The following MACROD2 variants were observed in gnomAD, a reference collection of about 807,000 sequenced individuals.
The protein encoded by MACROD2 is ADP-ribose glycohydrolase MACROD2.
In MACROD2, 36 loss-of-function variants were observed where a neutral mutation model predicts 70.4. The ratio of observed to expected loss-of-function variants is 0.51; its 90% confidence interval spans 0.39 to 0.68. The LOEUF is 0.68. MACROD2 is among the 30% of genes least tolerant of loss of function. The pLI is 0.00. For missense variants in MACROD2, 496 were observed against 538.4 expected (o/e 0.92, Z 0.78); for synonymous variants, 172 against 178.8 (o/e 0.96, Z 0.30).
At position 15,805,479 on chromosome 20, in the gene MACROD2, CTT is replaced by C. The variant is rs11336153; in HGVS notation, c.646-57253_646-57252del. Among the ~76,000 whole-genome samples, 355 of 142,140 alleles carry C rather than the reference CTT, an allele frequency of 2.5e-3. 5 individuals carry two copies. The highest frequency in any genetic ancestry group is 8.0e-3 in the African/African-American group (315 of 39,176). The allele number at this position is 142,140 out of a possible 152,430, so 93.2% of individuals were successfully genotyped here. ...GTTAAAATGAAAATAAGGAATATTT[CTT>C]TTTTTTTTTTTTGAGATGGAGTTTC... On this transcript the variant is annotated intron_variant, in intron 8 of 17. Coordinates refer to ENST00000684519, the MANE Select transcript of MACROD2 (RefSeq NM_001351661.2).
At chr20:15,828,290 G>A (rs752658534) in intron 8 of MACROD2, among the ~76,000 whole-genome samples, 1 of 152,036 alleles carries the variant, frequency 6.6e-6, no homozygotes, top group Non-Finnish European at 1.5e-5. Context: ...ACTTAGTTTG[G>A]GGACAAGTAG....
intron 5 of MACROD2, among the ~76,000 whole-genome samples, chr20:15,203,773 C>G (rs1221356494): frequency 6.6e-6 from 1 of 151,982 alleles, no homozygotes; most frequent in African/African-American, 2.4e-5. Flanking sequence ...TTTTTCATAA[C>G]ACAAAAATCT....
Position 14,864,193 on chromosome 20 carries a change from A to G in MACROD2, c.418+179234A>G, listed in dbSNP as rs560152682. 1.5e-3 allele frequency among the ~76,000 whole-genome samples: 223 copies of G among 152,278 alleles called. 1 individual carries two copies. Among genetic ancestry groups the G allele is most frequent in the Non-Finnish European group, 1.8e-3 (123 of 68,016 alleles). On this transcript the variant is annotated intron_variant, in intron 5 of 17. Coordinates refer to ENST00000684519, the MANE Select transcript of MACROD2 (RefSeq NM_001351661.2). ...ATGTCCTTTTCTTGCTGCCTAAGACATGATTATTGGTATGAAAATGCTATG... is the reference window on the plus strand; with the variant it reads ...ATGTCCTTTTCTTGCTGCCTAAGACGTGATTATTGGTATGAAAATGCTATG...
chr20:14,956,604 G>C (rs549275809), intron 5 of MACROD2, among the ~76,000 whole-genome samples: 1 of 152,170 alleles, frequency 6.6e-6, no homozygotes, highest in South Asian at 2.1e-4. Context: ...AAGTTAATTG[G>C]GGGTGATACT....
chr20:14,681,921 C>T (rs1316315588), intron 4 of MACROD2, among the ~76,000 whole-genome samples: 1 of 152,118 alleles, frequency 6.6e-6, no homozygotes, highest in Non-Finnish European at 1.5e-5. Context: ...AAGCAAGTTA[C>T]TAACCTAAGA....
At chr20:15,723,607 C>T (rs548866304) in intron 8 of MACROD2, among the ~76,000 whole-genome samples, 8 of 152,266 alleles carry the variant, frequency 5.3e-5, no homozygotes, top group Middle Eastern at 3.4e-3. Context: ...TGTGTCTTCT[C>T]GTGGCTTGGT....
intron 5 of MACROD2, among the ~76,000 whole-genome samples, chr20:15,037,343 C>T (rs1313905373): frequency 6.6e-6 from 1 of 152,162 alleles, no homozygotes; most frequent in Admixed American, 6.5e-5. Context: ...AAAAGCCATA[C>T]TTTTTTAAAT....
intron 3 of MACROD2, among the ~76,000 whole-genome samples, chr20:14,362,057 C>T (rs2083227070): frequency 6.6e-6 from 1 of 152,148 alleles, no homozygotes; most frequent in Admixed American, 6.5e-5. Flanking sequence ...GCCCAGTAGG[C>T]CAAGTGTCAG....
At chr20:15,768,767 C>A (rs1568549999) in intron 8 of MACROD2, among the ~76,000 whole-genome samples, 1 of 152,106 alleles carries the variant, frequency 6.6e-6, no homozygotes. Flanking sequence ...TTCTTTATAT[C>A]TTTATTCCGT....
chr20:15,464,056 G>GT (rs971935415), intron 7 of MACROD2, among the ~76,000 whole-genome samples: 2 of 152,102 alleles, frequency 1.3e-5, no homozygotes, highest in African/African-American at 2.4e-5. Context: ...TTGTTTGTTT[G>GT]TTTTTTTCCA....
intron 5 of MACROD2, among the ~76,000 whole-genome samples, chr20:15,092,810 A>G (rs1268813186): frequency 1.3e-5 from 2 of 152,208 alleles, no homozygotes; most frequent in Non-Finnish European, 2.9e-5. Context: ...TTTGATTTAA[A>G]AAATCAGCAC....
chr20:15,385,052 C>T (rs1379173024), intron 6 of MACROD2, among the ~76,000 whole-genome samples: 1 of 152,098 alleles, frequency 6.6e-6, no homozygotes, highest in African/African-American at 2.4e-5. Context: ...AGAGACTGTC[C>T]TGAAGGTTCT....
At chr20:14,271,432 T>C (rs2082195016) in intron 3 of MACROD2, among the ~76,000 whole-genome samples, 1 of 152,072 alleles carries the variant, frequency 6.6e-6, no homozygotes, top group African/African-American at 2.4e-5. Context: ...CAGCTGAGGG[T>C]CCTGTCTGTT....
intron 5 of MACROD2, among the ~76,000 whole-genome samples, chr20:15,045,251 T>G (rs1452587257): frequency 6.6e-6 from 1 of 152,208 alleles, no homozygotes; most frequent in African/African-American, 2.4e-5. Flanking sequence ...TTCACGCAGC[T>G]AAATTTTTAA....
intron 2 of MACROD2, among the ~76,000 whole-genome samples, chr20:14,019,041 ACT>A (rs560832469): frequency 5.9e-5 from 9 of 151,784 alleles, no homozygotes; most frequent in African/African-American, 1.2e-4. Context: ...CCTTAAATTA[ACT>A]CTGCAGCAAA....
intron 4 of MACROD2, among the ~76,000 whole-genome samples, chr20:14,575,721 T>G (rs1444048352): frequency 6.6e-6 from 1 of 152,194 alleles, no homozygotes; most frequent in Non-Finnish European, 1.5e-5. Context: ...TCATTATTAA[T>G]GTAGGAAAAA....
intron 3 of MACROD2, among the ~76,000 whole-genome samples, chr20:14,330,189 A>G (rs1329462583): frequency 6.6e-6 from 1 of 152,006 alleles, no homozygotes; most frequent in Non-Finnish European, 1.5e-5. Context: ...TGTATTTTTC[A>G]TTTCCAAAAG....
At chr20:14,537,964 C>T (rs1179294244) in intron 4 of MACROD2, among the ~76,000 whole-genome samples, 1 of 152,156 alleles carries the variant, frequency 6.6e-6, no homozygotes, top group Non-Finnish European at 1.5e-5. Flanking sequence ...AAATGTGGAT[C>T]TCAAAATACC....
Position 14,670,239 on chromosome 20 carries a change from G to A in MACROD2, c.302-14604G>A, listed in dbSNP as rs1289854951. Among the ~76,000 whole-genome samples, 3 of 152,162 alleles carry A rather than the reference G, an allele frequency of 2.0e-5. No homozygotes were observed. The East Asian group carries it at 5.8e-4, about 29-fold the overall frequency. On this transcript the variant is annotated intron_variant, in intron 4 of 17. Coordinates refer to ENST00000684519, the MANE Select transcript of MACROD2 (RefSeq NM_001351661.2). ...TACTCCTCATTCAGACTGTCTCTCT[G>A]AAATACCAGAAAAATATGATCTTCA...
Sources: gnomAD v4.1 joint callset for allele counts (sites outside exome capture counted in the v4.1 genomes callset) on GRCh38, gnomAD v4.1.1 for gene constraint, MANE v1.5 for transcripts, NCBI Gene and HGNC (gene_info 2026-07-23, HGNC 2026-07-21) for gene names.